CHP1: variants seen among roughly 807,000 people sequenced by gnomAD.
CHP1 encodes calcineurin B homologous protein 1.
In CHP1, 11 loss-of-function variants were observed where a neutral mutation model predicts 27.4. That is an observed-to-expected ratio of 0.40 (90% CI 0.25 to 0.67). CHP1 has a LOEUF of 0.67. Ranked by LOEUF, CHP1 falls within the 30% of genes least tolerant of loss-of-function variation. The pLI, the probability that CHP1 is intolerant of heterozygous loss-of-function variation, is 0.38. For synonymous variants in CHP1, 89 were observed against 87.4 expected, an observed-to-expected ratio of 1.02 and a Z score of -0.10; for missense variants, 169 against 251.3, an observed-to-expected ratio of 0.67 and a Z score of 2.22.
intron 5 of CHP1, among the ~76,000 whole-genome samples, chr15:41,275,790 A>C (rs892871973): frequency 7.9e-5 from 12 of 151,886 alleles, no homozygotes; most frequent in African/African-American, 2.9e-4. Context: ...ATTTTGGCTC[A>C]CCACAACCTC....
At chr15:41,248,416 T>C (rs1167888617) in intron 2 of CHP1, among the ~76,000 whole-genome samples, 2 of 152,280 alleles carry the variant, frequency 1.3e-5, no homozygotes, top group East Asian at 1.9e-4. Flanking sequence ...TTGGTGCTTC[T>C]CCTGTTATTT....
chr15:41,231,505 A>T (rs2047241746), intron 1 of CHP1, 56 bp downstream of exon 1: 2 of 1,533,558 alleles, frequency 1.3e-6, no homozygotes, highest in South Asian at 2.4e-5. Context: ...CTCACAACCA[A>T]GGGCGGCTGT....
At chr15:41,275,383 G>T (rs2047514515) in intron 5 of CHP1, among the ~76,000 whole-genome samples, 1 of 152,020 alleles carries the variant, frequency 6.6e-6, no homozygotes, top group South Asian at 2.1e-4. Context: ...TCAAACTCCT[G>T]ATCTCAGATG....
At chr15:41,261,106 T>C (rs542903857) in intron 3 of CHP1, among the ~76,000 whole-genome samples, 64 of 150,838 alleles carry the variant, frequency 4.2e-4, no homozygotes, top group African/African-American at 1.3e-3. Flanking sequence ...CTCCCTCCCT[T>C]CCTTCCTTTT....
Position 41,279,709 on chromosome 15 carries a change from A to AACAAGCCAGCAAAGCTCTTTCGT in CHP1, c.*341_*342insGTACAAGCCAGCAAAGCTCTTTC, listed in dbSNP as rs1444748314. On this transcript the variant is annotated 3_prime_UTR_variant, in exon 7 of 7. Coordinates refer to ENST00000334660, the MANE Select transcript of CHP1 (RefSeq NM_007236.5). ...AAGTGAGAGAGGCAATCATGCCAAG[A>AACAAGCCAGCAAAGCTCTTTCGT]ACAAGCCAGCAAAGCTCTTTCACCA... The AACAAGCCAGCAAAGCTCTTTCGT allele has an allele frequency of 3.4e-6, 1 of 291,856 alleles. No individual in the cohort carries two copies. The highest frequency in any genetic ancestry group is 2.2e-5 in the African/African-American group (1 of 46,176). The allele number at this position is 291,856 out of a possible 1,614,324, so 18.1% of individuals were successfully genotyped here.
chr15:41,255,699 A>C (rs887875488), intron 2 of CHP1, among the ~76,000 whole-genome samples: 5 of 151,800 alleles, frequency 3.3e-5, no homozygotes, highest in African/African-American at 9.7e-5. Context: ...TTTGGGGGAG[A>C]GTAACTTTCA....
Position 41,254,940 on chromosome 15 carries a change from G to A in CHP1, c.141-1970G>A, listed in dbSNP as rs567140414. ...TAATCTTTTTTTTAACTTTTTATCT[G>A]GAAATAATTTTAAACTTGAAGTTAC... On this transcript the variant is annotated intron_variant, in intron 2 of 6. Transcript: ENST00000334660. 2.0e-5 allele frequency among the ~76,000 whole-genome samples: 3 copies of A among 151,986 alleles called. No individual in the cohort carries two copies. In the South Asian group the frequency reaches 6.2e-4, roughly 32 times the overall value.
At chr15:41,264,336 G>C (rs16971723) in intron 4 of CHP1, 5,669 of 512,218 alleles carry the variant, frequency 0.011, 322 homozygotes, top group African/African-American at 0.11. Context: ...GCTGTGATTG[G>C]GGTTCTGCTA....
At chr15:41,243,819 G>A in intron 2 of CHP1, 80 bp downstream of exon 2, 1 of 1,201,944 alleles carries the variant, frequency 8.3e-7, no homozygotes, top group Non-Finnish European at 1.2e-6. Flanking sequence ...TTTATCCCTA[G>A]GGTAGACATG....
Position 41,281,349 on chromosome 15 carries a change from G to A in CHP1, c.*1960G>A, listed in dbSNP as rs1343681117. ...TCTGGCACTAGTAGCACAACCTAAG[G>A]TGGCATTACAGATCTTTGAGCGAGC... On this transcript the variant is annotated 3_prime_UTR_variant, in exon 7 of 7. Transcript: ENST00000334660. 6.6e-6 allele frequency: 1 copy of A among 152,560 alleles called. No individual in the cohort carries two copies. The highest frequency in any genetic ancestry group is 1.5e-5 in the Non-Finnish European group (1 of 68,028). 9.5% of individuals were successfully genotyped at this position (152,560 alleles called of 1,614,324 possible).
At chr15:41,253,846 G>A (rs2047384276) in intron 2 of CHP1, among the ~76,000 whole-genome samples, 1 of 151,944 alleles carries the variant, frequency 6.6e-6, no homozygotes, top group African/African-American at 2.4e-5. Context: ...GGGCAGTGAT[G>A]TTACCATGGC....
At chr15:41,269,615 G>A (rs2047478909) in intron 4 of CHP1, among the ~76,000 whole-genome samples, 1 of 152,110 alleles carries the variant, frequency 6.6e-6, no homozygotes, top group African/African-American at 2.4e-5. Flanking sequence ...TGCTTAGGAT[G>A]TACTCGAGAG....
intron 4 of CHP1, among the ~76,000 whole-genome samples, chr15:41,264,538 A>G (rs1345617522): frequency 1.3e-5 from 2 of 152,196 alleles, no homozygotes; most frequent in Non-Finnish European, 2.9e-5. Context: ...TTCCTGGCTC[A>G]AGTGATCTTT....
intron 4 of CHP1, among the ~76,000 whole-genome samples, chr15:41,267,041 G>T (rs1201916710): frequency 6.6e-6 from 1 of 152,020 alleles, no homozygotes; most frequent in Non-Finnish European, 1.5e-5. Flanking sequence ...CAACATGGAT[G>T]AATCTTGAAG....
intron 2 of CHP1, among the ~76,000 whole-genome samples, chr15:41,255,439 G>A (rs1031847846): frequency 3.9e-5 from 6 of 152,220 alleles, no homozygotes; most frequent in African/African-American, 1.4e-4. Flanking sequence ...TTGGGAGGCT[G>A]AGGTGGGTGG....
intron 1 of CHP1, among the ~76,000 whole-genome samples, chr15:41,236,035 A>G (rs750701911): frequency 2.0e-5 from 3 of 150,746 alleles, no homozygotes; most frequent in Admixed American, 1.3e-4. Flanking sequence ...AGAAGCAACT[A>G]TTTGTCAATT....
At chr15:41,276,530 C>T (rs1025080893) in intron 5 of CHP1, among the ~76,000 whole-genome samples, 24 of 152,198 alleles carry the variant, frequency 1.6e-4, no homozygotes, top group African/African-American at 5.1e-4. Flanking sequence ...AGTATGTTCA[C>T]ACCCTAAAGG....
intron 3 of CHP1, among the ~76,000 whole-genome samples, chr15:41,260,823 TA>T (rs563330222): frequency 2.0e-5 from 3 of 150,628 alleles, no homozygotes; most frequent in Non-Finnish European, 4.4e-5. Context: ...GCTTAAAAGT[TA>T]AAAAAAAAGG....
At chr15:41,271,638 C>T (rs1265444330) in intron 5 of CHP1, among the ~76,000 whole-genome samples, 2 of 152,150 alleles carry the variant, frequency 1.3e-5, no homozygotes, top group African/African-American at 2.4e-5. Context: ...GTACCCTGAG[C>T]TAACTGCCAC....
Sources: allele counts gnomAD v4.1 joint callset (sites outside exome capture counted in the v4.1 genomes callset), GRCh38; gene constraint gnomAD v4.1.1; transcripts MANE v1.5; gene names NCBI Gene and HGNC (gene_info 2026-07-23, HGNC 2026-07-21).